VCAM1: variants seen among roughly 807,000 people sequenced by gnomAD.
VCAM1 encodes the protein vascular cell adhesion protein 1.
Under a neutral mutation model 63.8 loss-of-function variants are expected in VCAM1, and 41 were observed. The ratio of observed to expected loss-of-function variants is 0.64; its 90% CI spans 0.50 to 0.83. The LOEUF is 0.83. Among genes scored for constraint, VCAM1 ranks in the 40% least tolerant of loss-of-function variants. VCAM1 has a pLI of 0.00. For missense variants in VCAM1, 798 were observed against 875.5 expected (o/e 0.91, Z 1.12); for synonymous variants, 338 against 320.7 (o/e 1.05, Z -0.58).
rs1557906633 is a variant in VCAM1 at position 100,732,502 on chromosome 1, A to G, written c.1610A>G (p.Gln537Arg). ...GSSVNMTCLS[Q>R]GFPAPKILWS... The stretch of plus-strand genomic sequence containing the variant: ...TCTGTGAATATGACATGCTTGAGCC[A>G]GGGCTTTCCTGCTCCGAAAATCCTG... The change falls in exon 7 of 9, where the codon CAG becomes CGG. Residue 537 changes from glutamine to arginine, a missense_variant. Transcript: ENST00000294728. The G allele has an allele frequency of 1.2e-6, 2 of 1,613,196 alleles. No individual in the cohort carries two copies. The highest frequency in any genetic ancestry group is 1.1e-5 in the South Asian group (1 of 90,858).
At chr1:100,732,825 G>A in intron 7 of VCAM1, 141 bp downstream of exon 7, 2 of 915,788 alleles carry the variant, frequency 2.2e-6, no homozygotes, top group East Asian at 3.0e-5. Context: ...TGTTTCCAAT[G>A]TATGGAGAAA....
At chr1:100,721,693 A>G (rs1442942634) in intron 2 of VCAM1, among the ~76,000 whole-genome samples, 2 of 152,078 alleles carry the variant, frequency 1.3e-5, no homozygotes, top group South Asian at 2.1e-4. Flanking sequence ...TTCCCAAGAA[A>G]CTGTGCTTGG....
chr1:100,731,353 GA>G lies in VCAM1; in HGVS notation c.1361del (p.Glu454GlyfsTer5). On this transcript the variant is annotated frameshift_variant, in exon 6 of 9. Transcript: ENST00000294728. LOFTEE classifies it high-confidence loss of function. This position sits in a 1 kb window ranked among gnomAD's most constrained non-coding sequence, Gnocchi z 4.2. ...ETILENIEFL[E>X]DTDMKSLENK... ...TATTCTGGAGAATATAGAGTTTTTGGAGGATACGGATATGAAATCTCTAGAG... is the reference window on the plus strand; with the variant it reads ...TATTCTGGAGAATATAGAGTTTTTGGGGATACGGATATGAAATCTCTAGAG... The G allele has an allele frequency of 6.2e-7, 1 of 1,613,782 alleles. No homozygotes were observed. The highest frequency in any genetic ancestry group is 8.5e-7 in the Non-Finnish European group (1 of 1,179,836).
chr1:100,724,067 G>A (rs1571454786), intron 3 of VCAM1, among the ~76,000 whole-genome samples: 1 of 152,060 alleles, frequency 6.6e-6, no homozygotes, highest in African/African-American at 2.4e-5. Context: ...ATATTTTTCT[G>A]AAGAGAAAAC....
Position 100,731,262 on chromosome 1 carries a change from A to G in VCAM1, c.1269A>G (p.Val423=). ...TCGTGAATGGGAGCTCTGTCACTGTAAGCTGCAAGGTTCCTAGCGTGTACC... is the reference window on the plus strand; with the variant it reads ...TCGTGAATGGGAGCTCTGTCACTGTGAGCTGCAAGGTTCCTAGCGTGTACC... The part of the protein sequence containing the change: ...GGLVNGSSVT[V]SCKVPSVYPL... Residue 423 remains valine, a synonymous_variant, in exon 6 of 9, where the codon GTA becomes GTG. Transcript: ENST00000294728. This position sits in a 1 kb window ranked among gnomAD's most constrained non-coding sequence, Gnocchi z 4.2. 6.2e-7 allele frequency: 1 copy of G among 1,613,708 alleles called. No homozygotes were observed. The highest frequency in any genetic ancestry group is 8.5e-7 in the Non-Finnish European group (1 of 1,179,768).
In VCAM1 at chr1:100,729,278, C is replaced by T. The variant is rs368445400; in HGVS notation, c.1100C>T (p.Thr367Met). ...GKVRSEGTNS[T>M]LTLSPVSFEN... is the part of the protein sequence containing the mutation. ...GTGAGGAGTGAGGGGACCAATTCCACGCTGACCCTGAGCCCTGTGAGTTTT... is the reference window on the plus strand; with the variant it reads ...GTGAGGAGTGAGGGGACCAATTCCATGCTGACCCTGAGCCCTGTGAGTTTT... Residue 367 changes from threonine to methionine, a missense_variant, in exon 5 of 9, where the codon ACG becomes ATG. Transcript: ENST00000294728. 37 of 1,613,408 alleles carry T rather than the reference C, an allele frequency of 2.3e-5. No homozygotes were observed. The highest frequency in any genetic ancestry group is 4.0e-5 in the African/African-American group (3 of 74,864).
At chr1:100,729,462 A>G (rs1365971476) in intron 5 of VCAM1, 80 bp downstream of exon 5, 1 of 1,457,170 alleles carries the variant, frequency 6.9e-7, no homozygotes. Context: ...TGTGAAGTGC[A>G]ATGAAATCCT....
At chr1:100,728,360 A>G (rs1001674937) in intron 4 of VCAM1, among the ~76,000 whole-genome samples, 4 of 152,104 alleles carry the variant, frequency 2.6e-5, no homozygotes, top group Non-Finnish European at 5.9e-5. Context: ...TAACTGTATT[A>G]TTGGAACAGA....
chr1:100,720,474 A>T lies in VCAM1; in HGVS notation c.65-2A>T, dbSNP rs1400051642. 4 of 1,598,438 alleles carry T rather than the reference A, an allele frequency of 2.5e-6. No homozygotes were observed. Among genetic ancestry groups the T allele is most frequent in the Admixed American group, 3.5e-5 (2 of 57,502 alleles). On this transcript the variant is annotated splice_acceptor_variant, in intron 1 of 8. Transcript: ENST00000294728. LOFTEE classifies it high-confidence loss of function. The stretch of plus-strand genomic sequence containing the variant: ...TGCTTCTGTCTTTTTTTGCTTTTGC[A>T]GCTCAAGCTTTTAAAATCGAGACCA...
intron 4 of VCAM1, 21 bp downstream of exon 4, chr1:100,724,911 G>C: frequency 6.2e-7 from 1 of 1,608,314 alleles, no homozygotes; most frequent in Non-Finnish European, 8.5e-7. Context: ...TGTGAAAAAG[G>C]AATGATAAAG....
Position 100,734,733 on chromosome 1 carries a change from G to T in VCAM1, c.2024G>T (p.Gly675Val), listed in dbSNP as rs1181690961. 28 of 1,613,866 alleles carry T rather than the reference G, an allele frequency of 1.7e-5. No individual in the cohort carries two copies. Among genetic ancestry groups the T allele is most frequent in the Non-Finnish European group, 2.3e-5 (27 of 1,179,836 alleles). ...VYECESKNKV[G>V]SQLRSLTLDV... Reference sequence around the variant, plus strand: ...GAATGTGAATCTAAAAACAAAGTTGGCTCACAATTAAGAAGTTTAACACTT... The same window carrying T: ...GAATGTGAATCTAAAAACAAAGTTGTCTCACAATTAAGAAGTTTAACACTT... Residue 675 changes from glycine to valine, a missense_variant, in exon 8 of 9, where the codon GGC (glycine) becomes GTC (valine). Gly to Val is a moderately radical substitution (Grantham distance 109, BLOSUM62 -3). Transcript: ENST00000294728.
chr1:100,738,017 C>A, intron 8 of VCAM1, 106 bp from the exon 9 acceptor site: 1 of 1,266,116 alleles, frequency 7.9e-7, no homozygotes, highest in Non-Finnish European at 1.1e-6. Flanking sequence ...TGATTCCCTT[C>A]TCTTTGGAGA....
intron 4 of VCAM1, 110 bp from the exon 5 acceptor site, chr1:100,728,997 G>A (rs896085383): frequency 7.9e-7 from 1 of 1,261,876 alleles, no homozygotes. Context: ...TTCTTGGCAT[G>A]GATATTAGCT....
At chr1:100,736,051 C>T (rs899143268) in intron 8 of VCAM1, 4 of 152,128 alleles carry the variant, frequency 2.6e-5, no homozygotes, top group African/African-American at 9.7e-5. Flanking sequence ...TTTAATTAAG[C>T]CTAGCCCTGG....
At chr1:100,727,715 A>C (rs184698146) in intron 4 of VCAM1, among the ~76,000 whole-genome samples, 53 of 152,250 alleles carry the variant, frequency 3.5e-4, no homozygotes, top group Non-Finnish European at 6.0e-4. Context: ...ATGTTCACAG[A>C]CAGGCAGTCG....
At chr1:100,736,380 T>A (rs992986005) in intron 8 of VCAM1, 5 of 152,202 alleles carry the variant, frequency 3.3e-5, no homozygotes, top group African/African-American at 1.2e-4. Context: ...TGCATTTGGC[T>A]GGATTTTTTA....
At position 100,731,304 on chromosome 1, in the gene VCAM1, G is replaced by T. The variant is rs200627951; in HGVS notation, c.1311G>T (p.Glu437Asp). 5 of 1,613,770 alleles carry T rather than the reference G, an allele frequency of 3.1e-6. No homozygotes were observed. Among genetic ancestry groups the T allele is most frequent in the African/African-American group, 1.3e-5 (1 of 74,902 alleles). ...VPSVYPLDRLEIELLKGETIL... is the reference protein window; with the variant it reads ...VPSVYPLDRLDIELLKGETIL... ...GCGTGTACCCCCTTGACCGGCTGGA[G>T]ATTGAATTACTTAAGGGGGAGACTA... The change falls in exon 6 of 9, where the codon GAG becomes GAT. Residue 437 changes from glutamate (E) to aspartate (D), a missense_variant. Physicochemically the swap from Glu to Asp is conservative, Grantham distance 45. Coordinates refer to ENST00000294728, the MANE Select transcript of VCAM1 (RefSeq NM_001078.4). This position sits in a 1 kb window ranked among gnomAD's most constrained non-coding sequence, Gnocchi z 4.2.
intron 7 of VCAM1, among the ~76,000 whole-genome samples, chr1:100,732,992 G>A (rs915006846): frequency 2.0e-5 from 3 of 152,154 alleles, no homozygotes; most frequent in Admixed American, 1.3e-4. Flanking sequence ...ATAGGAAGAG[G>A]AATATCTGCA....
intron 4 of VCAM1, 89 bp downstream of exon 4, chr1:100,724,979 C>T (rs1469645216): frequency 6.6e-7 from 1 of 1,510,196 alleles, no homozygotes; most frequent in Non-Finnish European, 8.9e-7. Flanking sequence ...AAATTGCTTC[C>T]CTTAGTTTCA....
Sources: allele counts gnomAD v4.1 joint callset (sites outside exome capture counted in the v4.1 genomes callset), GRCh38; gene constraint gnomAD v4.1.1; non-coding constraint Gnocchi (gnomAD v3.1); transcripts MANE v1.5; gene names NCBI Gene and HGNC (gene_info 2026-07-23, HGNC 2026-07-21).